Variants in SIL1 observed in about 807,000 individuals in gnomAD.
SIL1 encodes nucleotide exchange factor SIL1.
A neutral mutation model predicts 49.1 loss-of-function variants in SIL1; 40 were observed. The ratio of observed to expected loss-of-function variants is 0.81; its 90% confidence interval spans 0.63 to 1.06. The LOEUF (loss-of-function observed/expected upper bound fraction) is 1.06. Ranked by LOEUF, SIL1 falls within the 50% of genes least tolerant of loss-of-function variation. The pLI is 0.00. For synonymous variants in SIL1, 253 were observed against 250.8 expected (o/e 1.01, Z -0.08); for missense variants, 500 against 572.6 (o/e 0.87, Z 1.29).
At chr5:139,036,928 GTTCT>G (rs1768927795) in intron 5 of SIL1, among the ~76,000 whole-genome samples, 1 of 151,990 alleles carries the variant, frequency 6.6e-6, no homozygotes, top group South Asian at 2.1e-4. Context: ...TCATTACATT[GTTCT>G]TTCTTTATTC....
At chr5:138,970,314 A>G (rs1053341868) in intron 7 of SIL1, among the ~76,000 whole-genome samples, 23 of 152,216 alleles carry the variant, frequency 1.5e-4, no homozygotes, top group Admixed American at 5.9e-4. Context: ...CAAGCACCCA[A>G]TGTGTGCAAA....
chr5:138,983,825 T>C (rs1339174317), intron 7 of SIL1, among the ~76,000 whole-genome samples: 1 of 146,656 alleles, frequency 6.8e-6, no homozygotes, highest in Admixed American at 6.8e-5. Context: ...CTCCCAGAGA[T>C]GGACCCTAAC....
chr5:139,053,896 A>G (rs1161317844), intron 3 of SIL1, among the ~76,000 whole-genome samples: 2 of 152,226 alleles, frequency 1.3e-5, no homozygotes, highest in Non-Finnish European at 2.9e-5. Context: ...ATTACACATT[A>G]GTTTTTTTAT....
chr5:138,999,779 G>T (rs1233282904), intron 7 of SIL1, among the ~76,000 whole-genome samples: 3 of 152,118 alleles, frequency 2.0e-5, no homozygotes, highest in East Asian at 1.9e-4. Flanking sequence ...CTAAGTAGAA[G>T]ATCTGTTGTT....
intron 1 of SIL1, among the ~76,000 whole-genome samples, chr5:139,148,714 G>A (rs961443440): frequency 3.3e-5 from 5 of 152,162 alleles, no homozygotes; most frequent in African/African-American, 4.8e-5. Context: ...CCAAGTGGCC[G>A]TCCTTTGCCT....
intron 5 of SIL1, among the ~76,000 whole-genome samples, chr5:139,040,498 CT>C (rs11312366): frequency 0.48 from 50,582 of 104,662 alleles, 11,482 homozygotes; most frequent in East Asian, 0.81. Flanking sequence ...TTTCTTTTTT[CT>C]TTTTTTTTTT....
At chr5:139,023,083 A>G (rs980732365) in intron 6 of SIL1, among the ~76,000 whole-genome samples, 1 of 152,234 alleles carries the variant, frequency 6.6e-6, no homozygotes, top group South Asian at 2.1e-4. Context: ...TTTATCTACT[A>G]TTACTACAAT....
At chr5:139,002,164 C>T (rs931745003) in intron 7 of SIL1, among the ~76,000 whole-genome samples, 3 of 151,390 alleles carry the variant, frequency 2.0e-5, no homozygotes, top group Non-Finnish European at 4.4e-5. Flanking sequence ...GAACCAAGAT[C>T]ATGCCACTGC....
At chr5:139,195,427 C>T (rs990072918) in intron 1 of SIL1, among the ~76,000 whole-genome samples, 7 of 152,118 alleles carry the variant, frequency 4.6e-5, no homozygotes, top group Non-Finnish European at 4.4e-5. Flanking sequence ...CTCGCTCTGT[C>T]GCCCAGGCTG....
intron 7 of SIL1, among the ~76,000 whole-genome samples, chr5:139,011,130 GA>G (rs1768256468): frequency 6.6e-6 from 1 of 151,408 alleles, no homozygotes; most frequent in Non-Finnish European, 1.5e-5. Flanking sequence ...GTGGGTGTAG[GA>G]CCCTCTGAGC....
chr5:139,141,400 C>G (rs537589768), intron 1 of SIL1, among the ~76,000 whole-genome samples: 1 of 151,612 alleles, frequency 6.6e-6, no homozygotes, highest in African/African-American at 2.4e-5. Flanking sequence ...AATCCCAGCA[C>G]TTTGGGAGGC....
chr5:138,952,837 G>A (rs1766813077), intron 7 of SIL1, among the ~76,000 whole-genome samples: 1 of 152,274 alleles, frequency 6.6e-6, no homozygotes, highest in African/African-American at 2.4e-5. Flanking sequence ...CAGGGGACAA[G>A]GCCGGGATCC....
chr5:139,109,896 C>A (rs1191448899), intron 3 of SIL1, among the ~76,000 whole-genome samples: 5 of 151,540 alleles, frequency 3.3e-5, no homozygotes, highest in Non-Finnish European at 7.4e-5. Context: ...CTTGGCCAGG[C>A]ACGGAGGCTC....
intron 1 of SIL1, among the ~76,000 whole-genome samples, chr5:139,186,326 C>T (rs1752077012): frequency 6.6e-6 from 1 of 152,192 alleles, no homozygotes; most frequent in Non-Finnish European, 1.5e-5. Context: ...GATAGGCTTT[C>T]ACCAAACGCC....
At chr5:139,152,053 C>A (rs191178400) in intron 1 of SIL1, among the ~76,000 whole-genome samples, 185 of 152,306 alleles carry the variant, frequency 1.2e-3, no homozygotes, top group African/African-American at 4.3e-3. Context: ...TGCAAAGAGG[C>A]TCTGAGGTGA....
intron 7 of SIL1, among the ~76,000 whole-genome samples, chr5:139,002,767 G>A (rs575733771): frequency 2.9e-4 from 44 of 152,134 alleles, no homozygotes; most frequent in Non-Finnish European, 5.9e-4. Context: ...GATCCTAGGA[G>A]GGCTCCTTCC....
At chr5:139,141,059 A>G (rs921450364) in intron 1 of SIL1, among the ~76,000 whole-genome samples, 3 of 152,096 alleles carry the variant, frequency 2.0e-5, no homozygotes, top group Admixed American at 1.3e-4. Flanking sequence ...TAGGAACCAG[A>G]GCTAGGGACT....
At chr5:139,121,899 G>C (rs994805461) in intron 2 of SIL1, among the ~76,000 whole-genome samples, 1 of 152,184 alleles carries the variant, frequency 6.6e-6, no homozygotes, top group Non-Finnish European at 1.5e-5. Flanking sequence ...AGACAGCGAT[G>C]CAAGATAAAT....
At chr5:138,968,833 A>C (rs1485741277) in intron 7 of SIL1, among the ~76,000 whole-genome samples, 3 of 152,118 alleles carry the variant, frequency 2.0e-5, no homozygotes, top group Non-Finnish European at 4.4e-5. Flanking sequence ...AGGCACGTGG[A>C]TGGGTTGGGC....
Sources: gnomAD v4.1 joint callset for allele counts (sites outside exome capture counted in the v4.1 genomes callset) on GRCh38, gnomAD v4.1.1 for gene constraint, MANE v1.5 for transcripts, NCBI Gene and HGNC (gene_info 2026-07-23, HGNC 2026-07-21) for gene names.